SLIT3: variants seen among roughly 807,000 people sequenced by gnomAD.
The protein encoded by SLIT3 is slit guidance ligand 3.
Under a neutral mutation model 184.0 loss-of-function variants are expected in SLIT3, and 68 were observed. The ratio of observed to expected loss-of-function variants is 0.37; its 90% CI spans 0.30 to 0.45. The LOEUF (loss-of-function observed/expected upper bound fraction) is 0.45. Among genes scored for constraint, SLIT3 ranks in the 20% least tolerant of loss-of-function variants. The pLI, the probability that SLIT3 is intolerant of heterozygous loss-of-function variation, is 1.00. For missense variants in SLIT3, 1,707 were observed against 2,026.0 expected (o/e 0.84, Z 3.02); for synonymous variants, 831 against 828.6 (o/e 1.00, Z -0.05).
chr5:169,126,181 C>A lies in SLIT3; in HGVS notation c.413+67298G>T, dbSNP rs142187707. Among the ~76,000 whole-genome samples the A allele has an allele frequency of 3.9e-3, 594 of 152,322 alleles. 2 individuals are homozygous for A. Among genetic ancestry groups the A allele is most frequent in the African/African-American group, 0.013 (555 of 41,578 alleles). ...GACCTTGTAGGACTATCTTCCTTTG[C>A]AGGATCCTTTGATAAATTTTTATTT... On this transcript the variant is annotated intron_variant, in intron 4 of 35. Transcript: ENST00000519560.
intron 20 of SLIT3, among the ~76,000 whole-genome samples, chr5:168,730,063 G>A (rs991838993): frequency 6.6e-6 from 1 of 151,648 alleles, no homozygotes; most frequent in Middle Eastern, 3.2e-3. Flanking sequence ...AAAGTGAGCA[G>A]GAGTAGCTAC....
At chr5:169,157,441 G>A (rs963774386) in intron 4 of SLIT3, among the ~76,000 whole-genome samples, 1 of 152,122 alleles carries the variant, frequency 6.6e-6, no homozygotes, top group African/African-American at 2.4e-5. Flanking sequence ...GTGAAGAGCT[G>A]AAATTCCCAC....
chr5:169,265,373 C>T (rs1022728688), intron 1 of SLIT3, among the ~76,000 whole-genome samples: 3 of 152,130 alleles, frequency 2.0e-5, no homozygotes, highest in African/African-American at 7.2e-5. Context: ...AAGGTCAGTC[C>T]ATCAAATAAC....
chr5:169,136,600 A>G (rs945351465), intron 4 of SLIT3, among the ~76,000 whole-genome samples: 8 of 152,198 alleles, frequency 5.3e-5, no homozygotes, highest in African/African-American at 1.9e-4. Context: ...GAAACTGCTA[A>G]CCTGACCATC....
chr5:168,820,781 T>A (rs1403614853), intron 7 of SLIT3, among the ~76,000 whole-genome samples: 1 of 152,248 alleles, frequency 6.6e-6, no homozygotes, highest in Non-Finnish European at 1.5e-5. Context: ...AAAAGGTGCC[T>A]TTTAGCCACA....
chr5:168,854,872 C>T (rs1177928482), intron 5 of SLIT3, among the ~76,000 whole-genome samples: 1 of 152,168 alleles, frequency 6.6e-6, no homozygotes, highest in African/African-American at 2.4e-5. Context: ...CTTGCAAGCT[C>T]AGTGTTCGGG....
At chr5:168,988,782 C>CA (rs35648935) in intron 4 of SLIT3, among the ~76,000 whole-genome samples, 3 of 152,128 alleles carry the variant, frequency 2.0e-5, no homozygotes, top group Non-Finnish European at 2.9e-5. Flanking sequence ...GACCCCCCCC[C>CA]AGGGGCAGGC....
rs765613435 is a variant in SLIT3, at chr5:168,712,291, AAG to A, written c.2545_2546del (p.Leu849PhefsTer13). The A allele has an allele frequency of 6.2e-7, 1 of 1,613,746 alleles. No homozygotes were observed. The highest frequency in any genetic ancestry group is 8.5e-7 in the Non-Finnish European group (1 of 1,179,618). ...PEGSFNDLTS[L>X]SHLALGTNPL... is the part of the protein sequence containing the mutation. ...GAAACACTGCTACTTACAGATGGGAAAGAGATGTGAGGTCGTTGAAGGAGCCT... is the reference window on the plus strand; with the variant it reads ...GAAACACTGCTACTTACAGATGGGAAAGATGTGAGGTCGTTGAAGGAGCCT... On this transcript the variant is annotated frameshift_variant, in exon 24 of 36. Coordinates refer to ENST00000519560, the MANE Select transcript of SLIT3 (RefSeq NM_003062.4). LOFTEE classifies it high-confidence loss of function.
intron 4 of SLIT3, among the ~76,000 whole-genome samples, chr5:169,107,560 C>G (rs915808358): frequency 1.6e-4 from 24 of 152,220 alleles, no homozygotes; most frequent in Non-Finnish European, 4.4e-5. Context: ...GGGTGACAGC[C>G]CCAGGGAGGA....
At chr5:168,968,226 C>T (rs1763283938) in intron 4 of SLIT3, among the ~76,000 whole-genome samples, 6 of 152,184 alleles carry the variant, frequency 3.9e-5, no homozygotes, top group Admixed American at 3.9e-4. Flanking sequence ...GCTTAGCGCC[C>T]CCCTCTCCTC....
At chr5:168,774,941 G>A (rs1048689824) in intron 12 of SLIT3, among the ~76,000 whole-genome samples, 1 of 151,962 alleles carries the variant, frequency 6.6e-6, no homozygotes, top group Non-Finnish European at 1.5e-5. Flanking sequence ...CACCCACAGA[G>A]AGCACAGAGC....
intron 4 of SLIT3, among the ~76,000 whole-genome samples, chr5:169,170,214 T>C (rs574289432): frequency 6.6e-6 from 1 of 152,162 alleles, no homozygotes; most frequent in Non-Finnish European, 1.5e-5. Flanking sequence ...GGGAAGAGCA[T>C]CTGAGGACCA....
intron 4 of SLIT3, among the ~76,000 whole-genome samples, chr5:169,138,712 C>T (rs1237256302): frequency 2.0e-5 from 3 of 152,198 alleles, no homozygotes; most frequent in African/African-American, 2.4e-5. Flanking sequence ...CGTGTTCTCC[C>T]CTCTGTGGTT....
At chr5:169,138,238 C>A (rs371016787) in intron 4 of SLIT3, among the ~76,000 whole-genome samples, 2 of 152,208 alleles carry the variant, frequency 1.3e-5, no homozygotes, top group African/African-American at 4.8e-5. Flanking sequence ...CTCCCGTAAA[C>A]GCATGGGACT....
intron 1 of SLIT3, among the ~76,000 whole-genome samples, chr5:169,267,447 C>G (rs889819951): frequency 6.6e-6 from 1 of 152,206 alleles, no homozygotes; most frequent in Non-Finnish European, 1.5e-5. Flanking sequence ...AGGCACAAAT[C>G]AATATCTGTT....
intron 4 of SLIT3, among the ~76,000 whole-genome samples, chr5:168,971,284 G>A (rs1001428738): frequency 3.9e-5 from 6 of 152,194 alleles, no homozygotes; most frequent in African/African-American, 1.2e-4. Context: ...CTGTGGACAC[G>A]TGGTTTTCAT....
intron 1 of SLIT3, chr5:169,263,717 A>C (rs754675872): frequency 3.9e-6 from 2 of 509,668 alleles, no homozygotes; most frequent in East Asian, 1.4e-4. Flanking sequence ...AGCCTCCCCC[A>C]GCTGCTCCAT....
Position 168,666,342 on chromosome 5 carries a change from ACCTTCCTCTCCAGCTTCATTT to A in SLIT3, c.*91_*111del. On this transcript the variant is annotated 3_prime_UTR_variant, in exon 36 of 36. Transcript: ENST00000519560. ...TATACTTAATATTCTCTTCTTCTTT[ACCTTCCTCTCCAGCTTCATTT>A]CCTTCATGCTGAATCACCAGGGGGT... is the stretch of plus-strand genomic sequence containing the variant. The A allele has an allele frequency of 9.8e-7, 1 of 1,017,478 alleles. No individual in the cohort carries two copies. The highest frequency in any genetic ancestry group is 1.4e-6 in the Non-Finnish European group (1 of 735,350). The allele number at this position is 1,017,478 out of a possible 1,614,324, so 63.0% of individuals were successfully genotyped here.
chr5:168,722,178 G>T, intron 23 of SLIT3, 78 bp downstream of exon 23: 2 of 1,299,222 alleles, frequency 1.5e-6, no homozygotes, highest in African/African-American at 1.5e-5. Flanking sequence ...GCAGAGAGTG[G>T]GGAAGGGGAG....
Sources: allele counts gnomAD v4.1 joint callset (sites outside exome capture counted in the v4.1 genomes callset), GRCh38; gene constraint gnomAD v4.1.1; transcripts MANE v1.5; gene names NCBI Gene and HGNC (gene_info 2026-07-23, HGNC 2026-07-21).